SPOCK1: variants seen among roughly 807,000 people sequenced by gnomAD.
SPOCK1 encodes the protein SPARC (osteonectin), cwcv and kazal like domains proteoglycan 1.
SPOCK1 carries 23 observed loss-of-function variants against 55.3 expected under a neutral mutation model. That is an observed-to-expected ratio of 0.42 (90% CI 0.30 to 0.59). The LOEUF (loss-of-function observed/expected upper bound fraction) is 0.59. Among genes scored for constraint, SPOCK1 ranks in the 20% least tolerant of loss-of-function variants. The pLI is 0.22. For missense variants in SPOCK1, 499 were observed against 552.5 expected (o/e 0.90, Z 0.97); for synonymous variants, 226 against 221.0 (o/e 1.02, Z -0.20).
intron 3 of SPOCK1, among the ~76,000 whole-genome samples, chr5:137,194,582 A>C (rs1338552208): frequency 6.6e-6 from 1 of 152,138 alleles, no homozygotes; most frequent in East Asian, 1.9e-4. Context: ...GAAGGACGAC[A>C]TGGAAAGCCC....
chr5:137,001,367 A>T (rs902407407), intron 6 of SPOCK1, among the ~76,000 whole-genome samples: 1 of 152,238 alleles, frequency 6.6e-6, no homozygotes, highest in Non-Finnish European at 1.5e-5. Context: ...GGAAATGACC[A>T]CAGGAAGCCA....
intron 3 of SPOCK1, among the ~76,000 whole-genome samples, chr5:137,190,050 C>T (rs1755149609): frequency 7.4e-6 from 1 of 134,708 alleles, no homozygotes; most frequent in Non-Finnish European, 1.7e-5. Context: ...TGAGGAGTTG[C>T]TTCCTATGGA....
intron 2 of SPOCK1, among the ~76,000 whole-genome samples, chr5:137,296,810 T>C (rs1757496005): frequency 6.6e-6 from 1 of 152,316 alleles, no homozygotes; most frequent in Non-Finnish European, 1.5e-5. Context: ...GACTGGGGAC[T>C]TGGGATTTGA....
At chr5:137,195,558 G>A (rs928705722) in intron 3 of SPOCK1, among the ~76,000 whole-genome samples, 4 of 152,236 alleles carry the variant, frequency 2.6e-5, no homozygotes, top group Admixed American at 1.3e-4. Context: ...GATGAAGGAT[G>A]GGGCTTAGGC....
intron 2 of SPOCK1, among the ~76,000 whole-genome samples, chr5:137,409,020 C>G (rs528788849): frequency 6.6e-6 from 1 of 152,272 alleles, no homozygotes; most frequent in South Asian, 2.1e-4. Flanking sequence ...CTTCCCCAAA[C>G]ACACATTTTA....
At chr5:137,144,717 T>A (rs1477672555) in intron 3 of SPOCK1, among the ~76,000 whole-genome samples, 1 of 151,706 alleles carries the variant, frequency 6.6e-6, no homozygotes, top group African/African-American at 2.4e-5. Context: ...GAAAGGACTG[T>A]GGCTGCACTT....
intron 2 of SPOCK1, among the ~76,000 whole-genome samples, chr5:137,405,515 T>C (rs1026354081): frequency 3.9e-5 from 6 of 152,086 alleles, no homozygotes; most frequent in African/African-American, 1.2e-4. Context: ...AGGCACCAAC[T>C]TCACCGTCCC....
chr5:137,373,935 T>G (rs1223342764), intron 2 of SPOCK1, among the ~76,000 whole-genome samples: 1 of 152,050 alleles, frequency 6.6e-6, no homozygotes, highest in Non-Finnish European at 1.5e-5. Flanking sequence ...CCACACTGTT[T>G]TAGCTTCTGG....
intron 2 of SPOCK1, among the ~76,000 whole-genome samples, chr5:137,293,089 A>ATTTTTTTTT (rs531537488): frequency 2.0e-5 from 2 of 100,826 alleles, no homozygotes; most frequent in African/African-American, 4.1e-5. Flanking sequence ...GGTTTGTTGA[A>ATTTTTTTTT]TTTTTTTTTT....
chr5:137,241,707 AC>A (rs1756285822), intron 3 of SPOCK1, among the ~76,000 whole-genome samples: 1 of 152,144 alleles, frequency 6.6e-6, no homozygotes, highest in Admixed American at 6.5e-5. Flanking sequence ...AGAAGGCCTC[AC>A]TAGATGCTAA....
intron 2 of SPOCK1, among the ~76,000 whole-genome samples, chr5:137,358,417 G>GGAAGGAAGGAAGGAAA (rs1750864646): frequency 7.4e-6 from 1 of 135,448 alleles, no homozygotes; most frequent in African/African-American, 2.7e-5. Flanking sequence ...AAGGAAGGAA[G>GGAAGGAAGGAAGGAAA]GAAGGAGGAA....
chr5:137,270,053 C>G (rs953272519), intron 2 of SPOCK1, among the ~76,000 whole-genome samples: 8 of 152,158 alleles, frequency 5.3e-5, no homozygotes, highest in Non-Finnish European at 8.8e-5. Flanking sequence ...GTGTGTCTGC[C>G]CCGGCACGAT....
chr5:137,291,558 A>G (rs2916643), intron 2 of SPOCK1, among the ~76,000 whole-genome samples: 129,502 of 152,126 alleles, frequency 0.85, 55,352 homozygotes, highest in African/African-American at 0.92. Flanking sequence ...GGTATGGGCA[A>G]AGGAGTTCAC....
intron 5 of SPOCK1, among the ~76,000 whole-genome samples, chr5:137,105,427 C>G (rs1753345191): frequency 6.6e-6 from 1 of 152,170 alleles, no homozygotes; most frequent in African/African-American, 2.4e-5. Flanking sequence ...ATAAAAACCT[C>G]CTATGCCTGA....
Position 137,342,019 on chromosome 5 carries a change from C to T in SPOCK1, c.187-74964G>A, listed in dbSNP as rs1229736. On this transcript the variant is annotated intron_variant, in intron 2 of 10. Coordinates refer to ENST00000394945, the MANE Select transcript of SPOCK1 (RefSeq NM_004598.4). ...GACTTGCCAGAGAGCGCCAGGGCTG[C>T]GGTGTGTGGGTACACAGGCCTGCCC... 3.8e-3 allele frequency among the ~76,000 whole-genome samples: 585 copies of T among 152,320 alleles called. 2 individuals carry two copies. Among genetic ancestry groups the T allele is most frequent in the African/African-American group, 0.012 (513 of 41,568 alleles).
chr5:137,188,340 C>T (rs374705563), intron 3 of SPOCK1, among the ~76,000 whole-genome samples: 1 of 152,288 alleles, frequency 6.6e-6, no homozygotes, highest in Admixed American at 6.5e-5. Context: ...TTTGTGGCAA[C>T]CTGAGTTGAG....
intron 3 of SPOCK1, among the ~76,000 whole-genome samples, chr5:137,207,012 T>C (rs929916423): frequency 6.6e-6 from 1 of 152,188 alleles, no homozygotes; most frequent in African/African-American, 2.4e-5. Flanking sequence ...GTGAAGAATA[T>C]GAGAGTAAGG....
At chr5:137,154,701 T>C (rs1182380246) in intron 3 of SPOCK1, among the ~76,000 whole-genome samples, 1 of 152,176 alleles carries the variant, frequency 6.6e-6, no homozygotes, top group Non-Finnish European at 1.5e-5. Context: ...TACTCAGCTT[T>C]ATGATCATCA....
At chr5:137,118,850 C>T (rs1561615948) in intron 4 of SPOCK1, among the ~76,000 whole-genome samples, 1 of 152,220 alleles carries the variant, frequency 6.6e-6, no homozygotes, top group African/African-American at 2.4e-5. Flanking sequence ...TTTCGCTCTG[C>T]ATATGAACAG....
Sources: gnomAD v4.1 joint callset for allele counts (sites outside exome capture counted in the v4.1 genomes callset) on GRCh38, gnomAD v4.1.1 for gene constraint, MANE v1.5 for transcripts, NCBI Gene and HGNC (gene_info 2026-07-23, HGNC 2026-07-21) for gene names.